The following LRP5 variants were observed in gnomAD, a reference collection of about 807,000 sequenced individuals.
The protein encoded by LRP5 is LDL receptor related protein 5, also known as low-density lipoprotein receptor-related protein 5.
In LRP5, 62 loss-of-function variants were observed where a neutral mutation model predicts 154.1. That is an observed-to-expected ratio of 0.40 (90% CI 0.33 to 0.50). LRP5 has a LOEUF of 0.50. LRP5 is among the 20% of genes least tolerant of loss of function. The pLI is 0.55. For missense variants in LRP5, 1,915 were observed against 2,336.7 expected (o/e 0.82, Z 3.72); for synonymous variants, 966 against 1,011.5 (o/e 0.96, Z 0.85).
intron 1 of LRP5, among the ~76,000 whole-genome samples, chr11:68,324,166 G>A (rs312025): frequency 0.014 from 2,206 of 152,348 alleles, 44 homozygotes; most frequent in African/African-American, 0.049. Flanking sequence ...TAGTCCTGCC[G>A]CAGAGCAGCC....
intron 16 of LRP5, among the ~76,000 whole-genome samples, chr11:68,427,965 ATTTTATTTT>A (rs200929256): frequency 0.17 from 20,882 of 120,086 alleles, 1,684 homozygotes; most frequent in Admixed American, 0.24. Context: ...ATTTTATTTT[ATTTTATTTT>A]TTTTATTTAT....
intron 1 of LRP5, among the ~76,000 whole-genome samples, chr11:68,317,204 G>A (rs1245499179): frequency 6.6e-6 from 1 of 152,222 alleles, no homozygotes; most frequent in Non-Finnish European, 1.5e-5. Flanking sequence ...GCTCTGGAGA[G>A]CCGTGTGCCA....
chr11:68,406,392 CCG>C, intron 8 of LRP5, 130 bp from the exon 9 acceptor site: 2 of 968,326 alleles, frequency 2.1e-6, no homozygotes, highest in Non-Finnish European at 1.7e-6. Flanking sequence ...CGGACCTGAC[CCG>C]GGGGTGAGTC....
chr11:68,436,860 C>G, intron 18 of LRP5, 29 bp from the exon 19 acceptor site: 2 of 1,575,782 alleles, frequency 1.3e-6, no homozygotes, highest in South Asian at 1.1e-5. Flanking sequence ...ACCCTCCAGC[C>G]TCTCTGAGTG....
intron 5 of LRP5, among the ~76,000 whole-genome samples, chr11:68,369,858 A>C (rs1281701547): frequency 6.6e-6 from 1 of 152,042 alleles, no homozygotes; most frequent in Non-Finnish European, 1.5e-5. Context: ...CTGGCTTGCA[A>C]AGGGCCACTG....
chr11:68,316,468 C>T (rs1490922407), intron 1 of LRP5, among the ~76,000 whole-genome samples: 1 of 152,148 alleles, frequency 6.6e-6, no homozygotes, highest in Non-Finnish European at 1.5e-5. Context: ...GACGGGATTT[C>T]ACCATGTTGG....
intron 12 of LRP5, among the ~76,000 whole-genome samples, chr11:68,415,413 C>T (rs2153168820): frequency 6.6e-6 from 1 of 152,306 alleles, no homozygotes; most frequent in East Asian, 1.9e-4. Flanking sequence ...TGTTCACTAC[C>T]ATTACCTGCC....
chr11:68,396,703 G>A lies in LRP5; in HGVS notation c.1584+6651G>A, dbSNP rs572910243. 4.8e-5 allele frequency among the ~76,000 whole-genome samples: 7 copies of A among 144,600 alleles called. No individual in the cohort carries two copies. In the South Asian group the frequency reaches 7.0e-4, roughly 14 times the overall value. The allele number at this position is 144,600 out of a possible 152,430, so 94.9% of individuals were successfully genotyped here. Reference sequence around the variant, plus strand: ...TGTCCTGGGAATCAGCTTCCAGGCCGCCCCAGCAGCCTGACTGACACACAC... The same window carrying A: ...TGTCCTGGGAATCAGCTTCCAGGCCACCCCAGCAGCCTGACTGACACACAC... On this transcript the variant is annotated intron_variant, in intron 7 of 22. Transcript: ENST00000294304.
At chr11:68,379,330 G>C (rs1185950239) in intron 5 of LRP5, among the ~76,000 whole-genome samples, 2 of 152,194 alleles carry the variant, frequency 1.3e-5, no homozygotes, top group Non-Finnish European at 2.9e-5. Context: ...TTCTTGTGGA[G>C]CCATGGTGGT....
At chr11:68,433,467 G>A in intron 17 of LRP5, 135 bp from the exon 18 acceptor site, 1 of 802,806 alleles carries the variant, frequency 1.2e-6, no homozygotes, top group Non-Finnish European at 2.2e-6. Flanking sequence ...ATGTGCGGGT[G>A]CAGCACCCCG....
intron 5 of LRP5, among the ~76,000 whole-genome samples, chr11:68,370,482 C>T (rs2098633428): frequency 6.6e-6 from 1 of 152,148 alleles, no homozygotes. Context: ...GGCCCCAGCC[C>T]TGGGCTCTGT....
At chr11:68,327,333 C>T (rs1025755067) in intron 1 of LRP5, among the ~76,000 whole-genome samples, 4 of 152,138 alleles carry the variant, frequency 2.6e-5, no homozygotes, top group Non-Finnish European at 5.9e-5. Flanking sequence ...CCTGGGAGGC[C>T]ACGGTCATGA....
At position 68,448,851 on chromosome 11, in the gene LRP5, C is replaced by T. The variant is rs2098682864; in HGVS notation, c.4629C>T (p.Cys1543=). ...IRGMAPPTTP[C]STDVCDSDYS... is the part of the protein sequence containing the mutation. ...GAATGGCGCCCCCGACGACGCCCTGCAGCACCGACGTGTGTGACAGCGACT... is the reference window on the plus strand; with the variant it reads ...GAATGGCGCCCCCGACGACGCCCTGTAGCACCGACGTGTGTGACAGCGACT... Residue 1543 remains cysteine, a synonymous_variant, in exon 23 of 23, where the codon TGC becomes TGT. Transcript: ENST00000294304. 6.2e-7 allele frequency: 1 copy of T among 1,611,508 alleles called. No homozygotes were observed.
chr11:68,322,619 G>A lies in LRP5; in HGVS notation c.91+9814G>A, dbSNP rs561706947. 3.3e-5 allele frequency among the ~76,000 whole-genome samples: 5 copies of A among 152,372 alleles called. No individual in the cohort carries two copies. The South Asian group carries it at 1.0e-3, about 32-fold the overall frequency. ...CAACCTGGGAGGGCCTTGAGGACAGGGGCTGTCTTCGTCTGCGCCCCTCTG... is the reference window on the plus strand; with the variant it reads ...CAACCTGGGAGGGCCTTGAGGACAGAGGCTGTCTTCGTCTGCGCCCCTCTG... On this transcript the variant is annotated intron_variant, in intron 1 of 22. Coordinates refer to ENST00000294304, the MANE Select transcript of LRP5 (RefSeq NM_002335.4).
rs565641165 is a variant in LRP5, at chr11:68,374,070, A to G, written c.1015+8368A>G. ...GGGCCGCTGGCCACAGCTCACCCAG[A>G]CAGAGTTTTAACAGATGTTCGTCTG... On this transcript the variant is annotated intron_variant, in intron 5 of 22. Coordinates refer to ENST00000294304, the MANE Select transcript of LRP5 (RefSeq NM_002335.4). Among the ~76,000 whole-genome samples, 9 of 146,662 alleles carry G rather than the reference A, an allele frequency of 6.1e-5. No individual in the cohort carries two copies. The South Asian group carries it at 1.9e-3, about 30-fold the overall frequency.
chr11:68,418,510 G>A (rs1215978507), intron 13 of LRP5, among the ~76,000 whole-genome samples: 1 of 152,176 alleles, frequency 6.6e-6, no homozygotes, highest in Non-Finnish European at 1.5e-5. Context: ...GCAGAGAGAG[G>A]CTGAGCGCCT....
At chr11:68,376,171 CTTTTTTT>C (rs60401481) in intron 5 of LRP5, among the ~76,000 whole-genome samples, 2 of 92,832 alleles carry the variant, frequency 2.2e-5, no homozygotes, top group Non-Finnish European at 4.1e-5. Context: ...GGCCCTGCTT[CTTTTTTT>C]TTTTTTTTTT....
At chr11:68,316,723 G>A (rs2098593620) in intron 1 of LRP5, among the ~76,000 whole-genome samples, 1 of 152,236 alleles carries the variant, frequency 6.6e-6, no homozygotes, top group African/African-American at 2.4e-5. Context: ...CCTGGTGGAG[G>A]TGGCTGGTGG....
At chr11:68,399,087 G>A (rs899959819) in intron 7 of LRP5, among the ~76,000 whole-genome samples, 1 of 152,144 alleles carries the variant, frequency 6.6e-6, no homozygotes, top group Non-Finnish European at 1.5e-5. Flanking sequence ...TTGGGAGGCT[G>A]AGGTGGGAGG....
Sources: gnomAD v4.1 joint callset for allele counts (sites outside exome capture counted in the v4.1 genomes callset) on GRCh38, gnomAD v4.1.1 for gene constraint, MANE v1.5 for transcripts, NCBI Gene and HGNC (gene_info 2026-07-23, HGNC 2026-07-21) for gene names.